FBXO36: variants seen among roughly 807,000 people sequenced by gnomAD.
FBXO36 encodes the protein F-box protein 36, also known as F-box only protein 36.
Under a neutral mutation model 17.0 loss-of-function variants are expected in FBXO36, and 18 were observed. The observed-to-expected ratio is 1.06, with a 90% CI of 0.73 to 1.57. FBXO36 has a LOEUF of 1.57. Among genes scored for constraint, FBXO36 ranks in the 40% most tolerant of loss-of-function variants. The pLI, the probability that FBXO36 is intolerant of heterozygous loss-of-function variation, is 0.00. For synonymous variants in FBXO36, 83 were observed against 85.3 expected (o/e 0.97, Z 0.15); for missense variants, 229 against 221.9 (o/e 1.03, Z -0.20).
chr2:229,970,131 CT>C (rs2106189731), intron 1 of FBXO36, among the ~76,000 whole-genome samples: 1 of 152,270 alleles, frequency 6.6e-6, no homozygotes, highest in African/African-American at 2.4e-5. Flanking sequence ...AAATATTCAG[CT>C]ACCATATGGC....
chr2:229,932,808 G>A lies in FBXO36; in HGVS notation c.96+10199G>A, dbSNP rs557572990. ...TGCATAGCCGGGCGCAGTGGCTTACGCCTGTAATCCCAGCACTTTGGGAGG... is the reference window on the plus strand; with the variant it reads ...TGCATAGCCGGGCGCAGTGGCTTACACCTGTAATCCCAGCACTTTGGGAGG... On this transcript the variant is annotated intron_variant, in intron 1 of 3. Transcript: ENST00000283946. 20 of 207,552 alleles carry A rather than the reference G, an allele frequency of 9.6e-5. No individual in the cohort carries two copies. The East Asian group carries it at 2.7e-3, about 28-fold the overall frequency. 12.9% of individuals were successfully genotyped at this position (207,552 alleles called of 1,614,324 possible). A position where few individuals can be genotyped will look rare whatever the true frequency, so the allele number is the denominator to read the frequency against.
At chr2:229,957,001 G>A (rs2077091912) in intron 1 of FBXO36, among the ~76,000 whole-genome samples, 1 of 152,088 alleles carries the variant, frequency 6.6e-6, no homozygotes, top group African/African-American at 2.4e-5. Context: ...CCATCACACT[G>A]GGGGTTAGGA....
chr2:229,959,559 A>G (rs992931334), intron 1 of FBXO36, among the ~76,000 whole-genome samples: 3 of 152,098 alleles, frequency 2.0e-5, no homozygotes, highest in African/African-American at 7.2e-5. Context: ...AATATTGCCA[A>G]AGTAGGCTGG....
intron 2 of FBXO36, among the ~76,000 whole-genome samples, chr2:229,980,947 AC>A (rs1387403068): frequency 6.6e-6 from 1 of 152,138 alleles, no homozygotes; most frequent in East Asian, 1.9e-4. Flanking sequence ...AAAACTCCAA[AC>A]CATGGTGTTG....
At chr2:230,006,105 G>GTTTTTTTTTTTTT (rs577192144) in intron 3 of FBXO36, among the ~76,000 whole-genome samples, 2 of 124,664 alleles carry the variant, frequency 1.6e-5, no homozygotes, top group African/African-American at 6.2e-5. Context: ...TTTTATTTTA[G>GTTTTTTTTTTTTT]TTTTTTTTTT....
intron 2 of FBXO36, among the ~76,000 whole-genome samples, chr2:229,982,636 G>A (rs199613864): frequency 8.2e-4 from 125 of 151,676 alleles, no homozygotes; most frequent in Non-Finnish European, 2.8e-4. Context: ...GTGAAACCTC[G>A]TCTCTACTAA....
At chr2:229,957,288 T>C (rs1027920002) in intron 1 of FBXO36, among the ~76,000 whole-genome samples, 3 of 151,964 alleles carry the variant, frequency 2.0e-5, no homozygotes, top group Non-Finnish European at 4.4e-5. Flanking sequence ...AATCAAACTA[T>C]GAAGTAGGCC....
chr2:230,004,060 T>G (rs1166614515), intron 3 of FBXO36, among the ~76,000 whole-genome samples: 1 of 152,236 alleles, frequency 6.6e-6, no homozygotes, highest in East Asian at 1.9e-4. Flanking sequence ...GCCCTTGCCC[T>G]GCCTCCTGCC....
rs185401720 is a variant in FBXO36 at position 230,009,368 on chromosome 2, C to T, written c.379-1328C>T. Among the ~76,000 whole-genome samples the T allele has an allele frequency of 2.9e-3, 444 of 152,248 alleles. 3 individuals are homozygous for T. Among genetic ancestry groups the T allele is most frequent in the Admixed American group, 4.7e-3 (72 of 15,286 alleles). On this transcript the variant is annotated intron_variant, in intron 3 of 3. Coordinates refer to ENST00000283946, the MANE Select transcript of FBXO36 (RefSeq NM_174899.5). The stretch of plus-strand genomic sequence containing the variant: ...GCTCCCACTTACAAGTAAGAATGTG[C>T]GCTATTTGGTTTCCCATTTCTGTGT...
chr2:229,922,785 G>A (rs1052496104), intron 1 of FBXO36, among the ~76,000 whole-genome samples, 176 bp downstream of exon 1: 1 of 152,180 alleles, frequency 6.6e-6, no homozygotes, highest in African/African-American at 2.4e-5. Context: ...GACGGCCCGC[G>A]TGTCCCTGCT....
chr2:229,964,495 T>G (rs958576749), intron 1 of FBXO36, among the ~76,000 whole-genome samples: 1 of 152,214 alleles, frequency 6.6e-6, no homozygotes, highest in African/African-American at 2.4e-5. Context: ...GAGATTCAAC[T>G]GTTATTGCAT....
intron 1 of FBXO36, chr2:229,939,346 A>T (rs2076985056): frequency 3.9e-6 from 3 of 771,860 alleles, no homozygotes; most frequent in Non-Finnish European, 4.7e-6. Context: ...TCGTCCCAAG[A>T]TGAGTCTTCC....
chr2:229,996,179 G>A (rs1035477120), intron 2 of FBXO36, among the ~76,000 whole-genome samples: 3 of 151,940 alleles, frequency 2.0e-5, no homozygotes, highest in African/African-American at 7.3e-5. Flanking sequence ...TTGGGAGGCT[G>A]AAATGGGAGG....
At chr2:229,969,698 TAAAAA>T (rs1341152384) in intron 1 of FBXO36, among the ~76,000 whole-genome samples, 4 of 151,908 alleles carry the variant, frequency 2.6e-5, no homozygotes, top group Non-Finnish European at 5.9e-5. Context: ...AAATAAAAAA[TAAAAA>T]TAAAATAAAA....
At position 229,996,827 on chromosome 2, in the gene FBXO36, T is replaced by G; in HGVS notation, c.282T>G (p.Leu94=). Residue 94 remains leucine (L), a synonymous_variant, in exon 3 of 4, where the codon CTT becomes CTG. Transcript: ENST00000283946. ...TGTGCAAAGGTAAATTTGACTTCCTTGAACGGCTCTCAGACGATTTGCTCC... is the reference window on the plus strand; with the variant it reads ...TGTGCAAAGGTAAATTTGACTTCCTGGAACGGCTCTCAGACGATTTGCTCC... ...INLCKGKFDF[L]ERLSDDLLLT... 6.2e-7 allele frequency: 1 copy of G among 1,614,080 alleles called. No homozygotes were observed. The highest frequency in any genetic ancestry group is 8.5e-7 in the Non-Finnish European group (1 of 1,180,004).
At chr2:229,993,993 C>T (rs373874829) in intron 2 of FBXO36, among the ~76,000 whole-genome samples, 7 of 151,880 alleles carry the variant, frequency 4.6e-5, no homozygotes, top group East Asian at 1.9e-4. Context: ...AGGTTGGTCT[C>T]GATCTCCTGA....
intron 1 of FBXO36, among the ~76,000 whole-genome samples, chr2:229,929,294 T>G (rs1157201094): frequency 2.6e-5 from 4 of 151,796 alleles, no homozygotes; most frequent in African/African-American, 9.7e-5. Flanking sequence ...CTGGGTATGG[T>G]AGCTCACACC....
intron 1 of FBXO36, among the ~76,000 whole-genome samples, chr2:229,966,728 C>T (rs962137169): frequency 6.6e-6 from 1 of 152,062 alleles, no homozygotes; most frequent in Non-Finnish European, 1.5e-5. Flanking sequence ...TTGTTCTGTT[C>T]CATTGGTCTA....
chr2:229,978,200 A>C (rs971112031), intron 2 of FBXO36, among the ~76,000 whole-genome samples: 15 of 152,124 alleles, frequency 9.9e-5, no homozygotes, highest in Non-Finnish European at 1.6e-4. Context: ...AGGTGGGAGG[A>C]TTGCTTGAGC....
Sources: allele counts gnomAD v4.1 joint callset (sites outside exome capture counted in the v4.1 genomes callset), GRCh38; gene constraint gnomAD v4.1.1; transcripts MANE v1.5; gene names NCBI Gene and HGNC (gene_info 2026-07-23, HGNC 2026-07-21).